Variants in SOX5 observed in about 807,000 individuals in gnomAD.
SOX5 encodes transcription factor SOX-5.
Under a neutral mutation model 92.0 loss-of-function variants are expected in SOX5, and 9 were observed. That is an observed-to-expected ratio of 0.10 (90% CI 0.06 to 0.17). The LOEUF is 0.17. Among genes scored for constraint, SOX5 ranks in the 10% least tolerant of loss-of-function variants. SOX5 has a pLI of 1.00. For missense variants in SOX5, 642 were observed against 944.5 expected, an observed-to-expected ratio of 0.68 and a Z score of 4.20; for synonymous variants, 344 against 336.3, an observed-to-expected ratio of 1.02 and a Z score of -0.25.
At chr12:24,081,382 T>C (rs1943311661) in intron 4 of SOX5, among the ~76,000 whole-genome samples, 1 of 152,042 alleles carries the variant, frequency 6.6e-6, no homozygotes, top group Non-Finnish European at 1.5e-5. Context: ...TTATGTTCAA[T>C]TTTATCAGAC....
chr12:23,661,443 C>T (rs1285739684), intron 7 of SOX5, among the ~76,000 whole-genome samples: 1 of 152,146 alleles, frequency 6.6e-6, no homozygotes, highest in African/African-American at 2.4e-5. Flanking sequence ...TTTGACTAAC[C>T]TTATATCCAT....
In SOX5 at chr12:24,244,067, G is replaced by A. The variant is rs897543679; in HGVS notation, c.-76-30650C>T. Among the ~76,000 whole-genome samples, 800 of 128,664 alleles carry A rather than the reference G, an allele frequency of 6.2e-3. 7 individuals carry two copies. Among genetic ancestry groups the A allele is most frequent in the Middle Eastern group, 0.013 (3 of 238 alleles). The allele number at this position is 128,664 out of a possible 152,430, so 84.4% of individuals were successfully genotyped here. ...TATTGATAAAAAAAAAAAAAAAAAA[G>A]AAAAGGTTGGACATTTTACACCAAA... On this transcript the variant is annotated intron_variant, in intron 3 of 4. Coordinates refer to the SOX5 transcript ENST00000446891.
At chr12:23,587,804 T>C (rs912421050) in intron 9 of SOX5, among the ~76,000 whole-genome samples, 12 of 152,064 alleles carry the variant, frequency 7.9e-5, no homozygotes, top group South Asian at 2.1e-4. Context: ...TCCTTTCCAG[T>C]CACTTGGAGA....
At chr12:24,388,130 C>T (rs1477158045) in intron 1 of SOX5, among the ~76,000 whole-genome samples, 1 of 152,204 alleles carries the variant, frequency 6.6e-6, no homozygotes, top group East Asian at 1.9e-4. Context: ...TCACCATCAC[C>T]ATCTCAGATT....
upstream of SOX5, chr12:23,951,061 C>T (rs937574104): frequency 1.9e-6 from 1 of 519,910 alleles, no homozygotes. Context: ...CAAAAGGCTA[C>T]ATTACAGAGC....
chr12:23,871,387 T>A (rs1296013664), intron 2 of SOX5, among the ~76,000 whole-genome samples: 3 of 152,154 alleles, frequency 2.0e-5, no homozygotes, highest in African/African-American at 7.2e-5. Flanking sequence ...CAATTCAAGC[T>A]ACTAAAGGAT....
At chr12:24,240,975 A>G (rs1206310660) in intron 3 of SOX5, among the ~76,000 whole-genome samples, 1 of 152,192 alleles carries the variant, frequency 6.6e-6, no homozygotes, top group Non-Finnish European at 1.5e-5. Flanking sequence ...TCATGATGAC[A>G]AGAGTTTCAT....
intron 3 of SOX5, among the ~76,000 whole-genome samples, chr12:23,825,929 T>C (rs73263726): frequency 2.6e-5 from 4 of 152,334 alleles, no homozygotes; most frequent in African/African-American, 9.6e-5. Flanking sequence ...TTAACTAATA[T>C]TCTTTATTAA....
rs373571301 is a variant in SOX5 at position 23,765,385 on chromosome 12, C to CAAAAAAAAAAAAAAAAAAA, written c.482-9680_482-9662dup. Among the ~76,000 whole-genome samples the CAAAAAAAAAAAAAAAAAAA allele has an allele frequency of 9.5e-5, 3 of 31,430 alleles. 1 individual carries two copies. The highest frequency in any genetic ancestry group is 1.5e-4 in the Non-Finnish European group (3 of 19,816). 20.6% of individuals were successfully genotyped at this position (31,430 alleles called of 152,430 possible). ...CTGTGAAGTCAAAAGTGTAAAACAG[C>CAAAAAAAAAAAAAAAAAAA]AAAAAAAAAAAAAAAAAAAAAAAAA... On this transcript the variant is annotated intron_variant, in intron 3 of 14. Coordinates refer to ENST00000451604, the MANE Select transcript of SOX5 (RefSeq NM_006940.6).
chr12:24,337,090 C>T (rs1042879049), intron 2 of SOX5, among the ~76,000 whole-genome samples: 35 of 152,042 alleles, frequency 2.3e-4, no homozygotes, highest in Non-Finnish European at 1.3e-4. Flanking sequence ...GCAAGGAGAC[C>T]GTCAAATTAC....
chr12:23,947,004 T>C (rs750931505), intron 1 of SOX5, among the ~76,000 whole-genome samples: 1 of 151,998 alleles, frequency 6.6e-6, no homozygotes, highest in Admixed American at 6.6e-5. Flanking sequence ...GATGATAATA[T>C]AGACATATAC....
intron 1 of SOX5, among the ~76,000 whole-genome samples, chr12:24,389,402 T>G (rs968165103): frequency 1.3e-5 from 2 of 152,188 alleles, no homozygotes; most frequent in African/African-American, 4.8e-5. Context: ...TTGTGAAATT[T>G]TATTGTATGT....
chr12:23,531,543 G>C lies in SOX5; in HGVS notation c.*2676C>G, dbSNP rs1939085415. ...GGTGTAAAGTAAGTATCCAGCAAACGTGAGAGGTGAACCCACATAAATCGG... is the reference window on the plus strand; with the variant it reads ...GGTGTAAAGTAAGTATCCAGCAAACCTGAGAGGTGAACCCACATAAATCGG... On this transcript the variant is annotated 3_prime_UTR_variant, in exon 15 of 15. Coordinates refer to ENST00000451604, the MANE Select transcript of SOX5 (RefSeq NM_006940.6). 1 of 152,120 alleles carries C rather than the reference G, an allele frequency of 6.6e-6. No homozygotes were observed. The highest frequency in any genetic ancestry group is 2.4e-5 in the African/African-American group (1 of 41,428). The allele number at this position is 152,120 out of a possible 1,614,324, so 9.4% of individuals were successfully genotyped here.
intron 3 of SOX5, among the ~76,000 whole-genome samples, chr12:24,219,267 A>G (rs894868050): frequency 6.6e-6 from 1 of 152,104 alleles, no homozygotes; most frequent in Non-Finnish European, 1.5e-5. Context: ...ACAGCTCACA[A>G]TAATTTATTA....
rs56083228 is a variant in SOX5, at chr12:23,588,721, G to GCA, written c.1165-12885_1165-12884dup. Among the ~76,000 whole-genome samples, 483 of 149,432 alleles carry GCA rather than the reference G, an allele frequency of 3.2e-3. 1 individual carries two copies. The highest frequency in any genetic ancestry group is 0.011 in the African/African-American group (455 of 40,736). On this transcript the variant is annotated intron_variant, in intron 9 of 14. Transcript: ENST00000451604. ...CTTGATTATTGTAGTATGGGATAGT[G>GCA]CACACACACACACACACACACACAC...
Position 24,497,013 on chromosome 12 carries a change from A to G in SOX5, c.-251+65316T>C, listed in dbSNP as rs1289111657. 2.6e-5 allele frequency among the ~76,000 whole-genome samples: 4 copies of G among 152,226 alleles called. No homozygotes were observed. The East Asian group carries it at 7.7e-4, about 29-fold the overall frequency. On this transcript the variant is annotated intron_variant, in intron 1 of 4. Coordinates refer to the SOX5 transcript ENST00000446891. Reference sequence around the variant, plus strand: ...TTGTACAGGAGGAATTTGTTAGAAAATGATCTCACTTATAACACAGTCCTC... The same window carrying G: ...TTGTACAGGAGGAATTTGTTAGAAAGTGATCTCACTTATAACACAGTCCTC...
At chr12:23,836,066 T>C (rs992838692) in intron 3 of SOX5, among the ~76,000 whole-genome samples, 1 of 151,810 alleles carries the variant, frequency 6.6e-6, no homozygotes, top group South Asian at 2.1e-4. Context: ...ATGGTAACAA[T>C]TTATATATAG....
At chr12:23,871,227 G>C (rs2096869173) in intron 2 of SOX5, among the ~76,000 whole-genome samples, 1 of 152,088 alleles carries the variant, frequency 6.6e-6, no homozygotes, top group Non-Finnish European at 1.5e-5. Context: ...CTCTCTTACT[G>C]TCTGAATGAA....
chr12:24,169,837 C>A (rs1408201405), intron 4 of SOX5, among the ~76,000 whole-genome samples: 1 of 152,168 alleles, frequency 6.6e-6, no homozygotes, highest in Non-Finnish European at 1.5e-5. Flanking sequence ...AATGATGGAT[C>A]TGACTGATCT....
Sources: allele counts gnomAD v4.1 joint callset (sites outside exome capture counted in the v4.1 genomes callset), GRCh38; gene constraint gnomAD v4.1.1; transcripts MANE v1.5; gene names NCBI Gene and HGNC (gene_info 2026-07-23, HGNC 2026-07-21).